The following PIEZO2 variants were observed in gnomAD, a reference collection of about 807,000 sequenced individuals.
The protein encoded by PIEZO2 is piezo-type mechanosensitive ion channel component 2.
In PIEZO2, 172 loss-of-function variants were observed where a neutral mutation model predicts 337.3. The ratio of observed to expected loss-of-function variants is 0.51; its 90% CI spans 0.45 to 0.58. PIEZO2 has a LOEUF of 0.58. Ranked by LOEUF, PIEZO2 falls within the 20% of genes least tolerant of loss-of-function variation. The probability of loss-of-function intolerance (pLI) is 0.00; values close to 1 mark genes in which losing one functional copy is unlikely to be tolerated. For missense variants in PIEZO2, 3,028 were observed against 3,391.3 expected, an observed-to-expected ratio of 0.89 and a Z score of 2.66; for synonymous variants, 1,251 against 1,228.5, an observed-to-expected ratio of 1.02 and a Z score of -0.38.
chr18:10,872,247 T>C lies in PIEZO2; in HGVS notation c.330-832A>G, dbSNP rs562766750. 1.6e-4 allele frequency among the ~76,000 whole-genome samples: 25 copies of C among 152,196 alleles called. No individual in the cohort carries two copies. The highest frequency in any genetic ancestry group is 3.4e-4 in the Non-Finnish European group (23 of 68,032). On this transcript the variant is annotated intron_variant, in intron 4 of 55. Transcript: ENST00000674853. The surrounding 1 kb of genome is among the most constrained non-coding windows in gnomAD (Gnocchi z 4.3). ...GACACTTAGATAATTTTCACACATA[T>C]AGGGCATTTTTGTTATAATTGAGAT...
rs1029159707 is a variant in PIEZO2, at chr18:11,138,258, T to C, written c.64+10267A>G. 6.6e-5 allele frequency among the ~76,000 whole-genome samples: 10 copies of C among 152,288 alleles called. 1 individual carries two copies. In the South Asian group the frequency reaches 1.5e-3, roughly 22 times the overall value. On this transcript the variant is annotated intron_variant, in intron 1 of 55. Transcript: ENST00000674853. ...TGTTCACAATTTGAAAAACCTACAA[T>C]CCAAAAGATATAGTGTTTTTTTTGT...
intron 8 of PIEZO2, among the ~76,000 whole-genome samples, chr18:10,806,103 C>T (rs1047554405): frequency 7.8e-4 from 119 of 152,268 alleles, no homozygotes; most frequent in African/African-American, 2.7e-3. Flanking sequence ...GACTGATGAA[C>T]ATGTGGGAAT....
chr18:10,778,932 A>G (rs1026219241), intron 18 of PIEZO2, among the ~76,000 whole-genome samples: 1 of 152,218 alleles, frequency 6.6e-6, no homozygotes, highest in Non-Finnish European at 1.5e-5. Flanking sequence ...AGCAAATGCT[A>G]AATGCTTCAT....
chr18:11,057,569 C>T (rs1228505922), intron 2 of PIEZO2, among the ~76,000 whole-genome samples: 1 of 152,148 alleles, frequency 6.6e-6, no homozygotes, highest in Non-Finnish European at 1.5e-5. Flanking sequence ...AGGTGGATTT[C>T]AGGTTGATTC....
At chr18:10,810,575 T>C (rs1459177808) in intron 7 of PIEZO2, among the ~76,000 whole-genome samples, 1 of 152,108 alleles carries the variant, frequency 6.6e-6, no homozygotes, top group Non-Finnish European at 1.5e-5. Flanking sequence ...ACCCCTGAGG[T>C]CTTCAGCAAC....
At position 11,032,481 on chromosome 18, in the gene PIEZO2, G is replaced by C. The variant is rs946913620; in HGVS notation, c.160+33646C>G. On this transcript the variant is annotated intron_variant, in intron 2 of 55. Transcript: ENST00000674853. The surrounding 1 kb of genome is among the most constrained non-coding windows in gnomAD (Gnocchi z 4.9). ...GGAGCTATTCTTGGCATGCTCTCGA[G>C]TAAGTGTAAATGTGTTAGCCAGTCT... Among the ~76,000 whole-genome samples the C allele has an allele frequency of 4.6e-5, 7 of 152,302 alleles. 1 individual carries two copies. In the South Asian group the frequency reaches 1.2e-3, roughly 27 times the overall value.
chr18:10,698,566 A>G (rs990199765), intron 44 of PIEZO2, among the ~76,000 whole-genome samples: 2 of 152,238 alleles, frequency 1.3e-5, no homozygotes, highest in African/African-American at 4.8e-5. Flanking sequence ...AATATGTTTA[A>G]AAAATACATT....
chr18:10,738,673 G>A (rs1017419169), intron 33 of PIEZO2: 2 of 152,178 alleles, frequency 1.3e-5, no homozygotes, highest in African/African-American at 4.8e-5. Context: ...GGATGTTGAT[G>A]TTACTGCTAA....
At chr18:10,744,628 T>C (rs146043431) in intron 30 of PIEZO2, among the ~76,000 whole-genome samples, 1 of 152,298 alleles carries the variant, frequency 6.6e-6, no homozygotes, top group African/African-American at 2.4e-5. Context: ...TACAGTCAGA[T>C]TCATTTTCTA....
intron 2 of PIEZO2, among the ~76,000 whole-genome samples, chr18:11,015,962 G>A (rs978199777): frequency 2.0e-5 from 3 of 152,108 alleles, no homozygotes; most frequent in Non-Finnish European, 2.9e-5. Flanking sequence ...ATCACAATTT[G>A]CAAATCAACT....
chr18:10,999,297 G>C (rs776954552), intron 2 of PIEZO2, among the ~76,000 whole-genome samples: 78 of 152,110 alleles, frequency 5.1e-4, no homozygotes, highest in Non-Finnish European at 9.4e-4. Context: ...CCTCCAAGTT[G>C]ATATTTTGAT....
intron 35 of PIEZO2, 142 bp from the exon 36 acceptor site, chr18:10,731,663 T>G: frequency 6.0e-4 from 207 of 346,334 alleles, no homozygotes; most frequent in East Asian, 7.6e-4. Flanking sequence ...TATCATGAGA[T>G]TCAATTTTTT....
At position 10,822,961 on chromosome 18, in the gene PIEZO2, C is replaced by T. The variant is rs143808315; in HGVS notation, c.918-15687G>A. Among the ~76,000 whole-genome samples the T allele has an allele frequency of 4.7e-3, 720 of 152,268 alleles. 4 individuals carry two copies. The highest frequency in any genetic ancestry group is 0.017 in the Middle Eastern group (5 of 294). ...GATTGAAGTCTGTGAACTTCTTAGACATTATACAGGCTGCTATTTTAAAAC... is the reference window on the plus strand; with the variant it reads ...GATTGAAGTCTGTGAACTTCTTAGATATTATACAGGCTGCTATTTTAAAAC... On this transcript the variant is annotated intron_variant, in intron 7 of 55. Transcript: ENST00000674853.
rs1568040961 is a variant in PIEZO2, at chr18:10,773,391, T to C, written c.2785+21A>G. 6.5e-7 allele frequency: 1 copy of C among 1,534,426 alleles called. No homozygotes were observed. The highest frequency in any genetic ancestry group is 8.7e-7 in the Non-Finnish European group (1 of 1,144,366). On this transcript the variant is annotated intron_variant, in intron 20 of 55. Coordinates refer to ENST00000674853, the MANE Select transcript of PIEZO2 (RefSeq NM_001378183.1). This position sits in a 1 kb window ranked among gnomAD's most constrained non-coding sequence, Gnocchi z 5.3. The stretch of plus-strand genomic sequence containing the variant: ...TGACAGCCAGCGTTCTCTGACCAGC[T>C]GCTGGTAGTGGGCTGATTACCTGAT...
intron 2 of PIEZO2, among the ~76,000 whole-genome samples, chr18:11,026,118 G>A (rs1011184914): frequency 9.2e-5 from 14 of 152,162 alleles, no homozygotes; most frequent in Non-Finnish European, 2.9e-5. Context: ...GCTGAACGGC[G>A]CCTTTACAAA....
At chr18:10,797,822 G>C (rs1396933933) in intron 11 of PIEZO2, among the ~76,000 whole-genome samples, 1 of 152,186 alleles carries the variant, frequency 6.6e-6, no homozygotes, top group Non-Finnish European at 1.5e-5. Flanking sequence ...GCTGTTGTGT[G>C]GGCCCTCTCC....
At chr18:11,113,234 C>A (rs1475755019) in intron 1 of PIEZO2, among the ~76,000 whole-genome samples, 2 of 152,220 alleles carry the variant, frequency 1.3e-5, no homozygotes, top group African/African-American at 4.8e-5. Flanking sequence ...CCCTGTGTGA[C>A]TTAGATGGGA....
intron 13 of PIEZO2, among the ~76,000 whole-genome samples, chr18:10,792,089 G>A (rs886401897): frequency 6.6e-6 from 1 of 152,144 alleles, no homozygotes; most frequent in Non-Finnish European, 1.5e-5. Flanking sequence ...TGGGATTACA[G>A]GCATACACCA....
At position 10,716,199 on chromosome 18, in the gene PIEZO2, C is replaced by A. The variant is rs1469046028; in HGVS notation, c.5090-383G>T. Among the ~76,000 whole-genome samples, 1 of 152,188 alleles carries A rather than the reference C, an allele frequency of 6.6e-6. No individual in the cohort carries two copies. The highest frequency in any genetic ancestry group is 1.5e-5 in the Non-Finnish European group (1 of 68,030). On this transcript the variant is annotated intron_variant, in intron 37 of 55. Transcript: ENST00000674853. This position sits in a 1 kb window ranked among gnomAD's most constrained non-coding sequence, Gnocchi z 4.1. ...TTCTGTTTCCCCTTCCACCTTCTCT[C>A]CTCCACCTCTGCTGCCTCTGCCACC... is the stretch of plus-strand genomic sequence containing the variant.
Sources: gnomAD v4.1 joint callset for allele counts (sites outside exome capture counted in the v4.1 genomes callset) on GRCh38, gnomAD v4.1.1 for gene constraint, Gnocchi (gnomAD v3.1) non-coding constraint, MANE v1.5 for transcripts, NCBI Gene and HGNC (gene_info 2026-07-23, HGNC 2026-07-21) for gene names.